Variants in FAM117A observed in about 807,000 individuals in gnomAD.
The protein encoded by FAM117A is family with sequence similarity 117 member A.
In FAM117A, 21 loss-of-function variants were observed where a neutral mutation model predicts 44.1. That is an observed-to-expected ratio of 0.48 (90% CI 0.34 to 0.69). FAM117A has a LOEUF of 0.69. FAM117A is among the 30% of genes least tolerant of loss of function. The probability of loss-of-function intolerance (pLI) is 0.01; values close to 1 mark genes in which losing one functional copy is unlikely to be tolerated. For synonymous variants in FAM117A, 220 were observed against 238.3 expected (o/e 0.92, Z 0.71); for missense variants, 498 against 589.9 (o/e 0.84, Z 1.61).
intron 1 of FAM117A, among the ~76,000 whole-genome samples, chr17:49,741,964 C>T (rs541996809): frequency 1.9e-4 from 29 of 152,254 alleles, no homozygotes; most frequent in African/African-American, 7.0e-4. Flanking sequence ...GAGACCCCAT[C>T]CATCCCAGCT....
intron 1 of FAM117A, among the ~76,000 whole-genome samples, chr17:49,786,991 A>T (rs1172211818): frequency 6.6e-6 from 1 of 151,890 alleles, no homozygotes; most frequent in African/African-American, 2.4e-5. Context: ...GGCTGAGGCA[A>T]GAGAATCCCT....
In FAM117A at chr17:49,716,332, G is replaced by C. The variant is rs781544002; in HGVS notation, c.911-17C>G. The C allele has an allele frequency of 9.7e-6, 15 of 1,544,728 alleles. No homozygotes were observed. In the East Asian group the frequency reaches 2.7e-4, roughly 28 times the overall value. ...GAGAGGAGGCTGTGAACAGAGCAAG[G>C]CTAAGTCTAGTGGAGATGAAGGGAA... is the stretch of plus-strand genomic sequence containing the variant. On this transcript the variant is annotated splice_polypyrimidine_tract_variant and intron_variant, in intron 6 of 7. Transcript: ENST00000240364.
chr17:49,780,434 GC>G (rs1480585796), intron 1 of FAM117A, among the ~76,000 whole-genome samples: 1 of 152,156 alleles, frequency 6.6e-6, no homozygotes, highest in Non-Finnish European at 1.5e-5. Flanking sequence ...TGGGGTAAGG[GC>G]AGTGGCGTGA....
At chr17:49,731,898 G>A (rs1263162428) in intron 2 of FAM117A, among the ~76,000 whole-genome samples, 10 of 151,936 alleles carry the variant, frequency 6.6e-5, no homozygotes, top group Non-Finnish European at 1.0e-4. Flanking sequence ...CGATTCTCCC[G>A]CCTCAGCCTC....
At chr17:49,756,561 A>G (rs2073699270) in intron 1 of FAM117A, among the ~76,000 whole-genome samples, 1 of 150,902 alleles carries the variant, frequency 6.6e-6, no homozygotes, top group African/African-American at 2.4e-5. Context: ...GTGAGCTATG[A>G]TGGCATTACT....
intron 2 of FAM117A, among the ~76,000 whole-genome samples, chr17:49,722,801 T>C (rs1433872371): frequency 2.0e-5 from 3 of 152,166 alleles, no homozygotes; most frequent in Non-Finnish European, 4.4e-5. Flanking sequence ...AAACATTCCC[T>C]GATGACCCAA....
At chr17:49,783,010 T>C (rs1037807539) in intron 1 of FAM117A, among the ~76,000 whole-genome samples, 2 of 152,214 alleles carry the variant, frequency 1.3e-5, no homozygotes, top group African/African-American at 4.8e-5. Context: ...GACCGGGTAC[T>C]TTCCACCCCG....
At chr17:49,761,037 C>A (rs73335276) in intron 1 of FAM117A, among the ~76,000 whole-genome samples, 3,789 of 152,264 alleles carry the variant, frequency 0.025, 153 homozygotes, top group African/African-American at 0.086. Context: ...GAAGGCAAAT[C>A]CTGCTCTTTA....
At chr17:49,771,292 T>C (rs2073760297) in intron 1 of FAM117A, among the ~76,000 whole-genome samples, 1 of 152,150 alleles carries the variant, frequency 6.6e-6, no homozygotes, top group Admixed American at 6.5e-5. Flanking sequence ...ATCAAGCTGT[T>C]TTGAAAAACA....
rs759071955 is a variant in FAM117A, at chr17:49,719,819, G to A, written c.649C>T (p.Leu217Phe). The A allele has an allele frequency of 6.2e-7, 1 of 1,606,852 alleles. No homozygotes were observed. The highest frequency in any genetic ancestry group is 1.7e-5 in the Admixed American group (1 of 58,634). The change falls in exon 5 of 8, where the codon CTC becomes TTC. Residue 217 changes from leucine to phenylalanine, a missense_variant. Around this residue, in one of 3 missense-constraint regions of FAM117A, gnomAD observed 4 missense variants for 16.0 expected, o/e 0.25. Transcript: ENST00000240364. Reference sequence around the variant, plus strand: ...AATACCTCCTCCAGCTCTTGGTTGAGCCCTTCCAGGCTCCTGTGCAGGCAG... The same window carrying A: ...AATACCTCCTCCAGCTCTTGGTTGAACCCTTCCAGGCTCCTGTGCAGGCAG... Reference protein sequence around the residue: ...SPCLHRSLEGLNQELEEVFVK... With the variant: ...SPCLHRSLEGFNQELEEVFVK...
At chr17:49,770,353 A>G (rs1286672403) in intron 1 of FAM117A, among the ~76,000 whole-genome samples, 4 of 152,032 alleles carry the variant, frequency 2.6e-5, no homozygotes, top group African/African-American at 9.7e-5. Flanking sequence ...TTGCTATAGC[A>G]TGAATCGACC....
At chr17:49,759,503 T>C (rs1468392430) in intron 1 of FAM117A, among the ~76,000 whole-genome samples, 4 of 152,204 alleles carry the variant, frequency 2.6e-5, no homozygotes, top group South Asian at 2.1e-4. Context: ...AGAAGGGGAA[T>C]TGTAGCTCTT....
chr17:49,749,216 A>T (rs1432647553), intron 1 of FAM117A, among the ~76,000 whole-genome samples: 1 of 152,104 alleles, frequency 6.6e-6, no homozygotes, highest in Non-Finnish European at 1.5e-5. Context: ...TCAGATCTCG[A>T]CTATATATAT....
At chr17:49,711,897 C>A (rs1431644815) in intron 7 of FAM117A, among the ~76,000 whole-genome samples, 1 of 152,212 alleles carries the variant, frequency 6.6e-6, no homozygotes, top group Non-Finnish European at 1.5e-5. Flanking sequence ...ATAATCCCAG[C>A]ACTTTGGAAG....
chr17:49,719,503 C>T (rs1347193829), intron 5 of FAM117A: 8 of 347,724 alleles, frequency 2.3e-5, no homozygotes, highest in South Asian at 1.5e-4. Context: ...TTCCTCCCAG[C>T]GGGGGGGCCT....
At chr17:49,732,778 A>C (rs1316923113) in intron 1 of FAM117A, 58 bp from the exon 2 acceptor site, 11 of 1,548,510 alleles carry the variant, frequency 7.1e-6, no homozygotes, top group Non-Finnish European at 9.7e-6. Flanking sequence ...GAGACGTGGC[A>C]ATCACCTTCC....
chr17:49,728,238 A>G (rs762502503), intron 2 of FAM117A, among the ~76,000 whole-genome samples: 6 of 152,216 alleles, frequency 3.9e-5, no homozygotes, highest in Non-Finnish European at 8.8e-5. Flanking sequence ...TAAAAGGTCC[A>G]TGATGGTCAG....
upstream of FAM117A, chr17:49,788,874 G>T (rs769105815): frequency 6.3e-7 from 1 of 1,576,838 alleles, no homozygotes; most frequent in South Asian, 1.1e-5. Flanking sequence ...AGGAGGGATG[G>T]CGGGTTTCTA....
chr17:49,720,419 T>C lies in FAM117A; in HGVS notation c.480A>G (p.Gln160=), dbSNP rs2073528529. Residue 160 remains glutamine, a synonymous_variant, in exon 4 of 8, where the codon CAA becomes CAG. Transcript: ENST00000240364. Reference sequence around the variant, plus strand: ...GGCTCAGCTTCGTCCTCTGCAGTTGTTGCTTCAACTTGGAAATCTAGCAGC... The same window carrying C: ...GGCTCAGCTTCGTCCTCTGCAGTTGCTGCTTCAACTTGGAAATCTAGCAGC... ...DHRKEISKLK[Q]QLQRTKLSRS... 1.2e-6 allele frequency: 2 copies of C among 1,613,328 alleles called. No homozygotes were observed. Among genetic ancestry groups the C allele is most frequent in the African/African-American group, 1.3e-5 (1 of 75,044 alleles).
Sources: gnomAD v4.1 joint callset for allele counts (sites outside exome capture counted in the v4.1 genomes callset) on GRCh38, gnomAD v4.1.1 for gene constraint, gnomAD v4.1.1 regional missense constraint, MANE v1.5 for transcripts, NCBI Gene and HGNC (gene_info 2026-07-23, HGNC 2026-07-21) for gene names.